ASB2: variants seen among roughly 807,000 people sequenced by gnomAD.
ASB2 encodes the protein ankyrin repeat and SOCS box protein 2.
ASB2 carries 58 observed loss-of-function variants against 62.4 expected under a neutral mutation model. That is an observed-to-expected ratio of 0.93 (90% confidence interval 0.75 to 1.16). ASB2 has a LOEUF of 1.16. ASB2 is among the 50% of genes most tolerant of loss of function. The pLI, the probability that ASB2 is intolerant of heterozygous loss-of-function variation, is 0.00. For missense variants in ASB2, 928 were observed against 887.9 expected, an observed-to-expected ratio of 1.05 and a Z score of -0.57; for synonymous variants, 386 against 385.3, an observed-to-expected ratio of 1.00 and a Z score of -0.02.
At chr14:93,942,849 G>GTGATGA (rs3838359) in intron 7 of ASB2, among the ~76,000 whole-genome samples, 2 of 150,932 alleles carry the variant, frequency 1.3e-5, no homozygotes, top group African/African-American at 2.5e-5. Context: ...TGTAATAATA[G>GTGATGA]TGATGATGAT....
At chr14:93,951,959 T>C (rs1277900584) in intron 5 of ASB2, among the ~76,000 whole-genome samples, 1 of 152,188 alleles carries the variant, frequency 6.6e-6, no homozygotes, top group Non-Finnish European at 1.5e-5. Flanking sequence ...GCCCCAGAGT[T>C]CTCACCAGGA....
chr14:93,960,025 C>T (rs1342390235), intron 2 of ASB2, among the ~76,000 whole-genome samples: 1 of 151,892 alleles, frequency 6.6e-6, no homozygotes, highest in African/African-American at 2.4e-5. Flanking sequence ...CCACGCCCAC[C>T]ACTGTGCCGT....
chr14:93,956,333 G>T (rs1889200437), intron 3 of ASB2, among the ~76,000 whole-genome samples: 1 of 152,244 alleles, frequency 6.6e-6, no homozygotes, highest in Non-Finnish European at 1.5e-5. Flanking sequence ...TGTACCCACA[G>T]CGATGGCATG....
intron 1 of ASB2, 120 bp from the exon 2 acceptor site, chr14:93,964,732 G>T: frequency 1.6e-6 from 1 of 621,956 alleles, no homozygotes. Flanking sequence ...TTTATTCATT[G>T]GTCACATGAC....
chr14:93,944,490 G>T (rs1481335438), intron 7 of ASB2, among the ~76,000 whole-genome samples: 1 of 152,236 alleles, frequency 6.6e-6, no homozygotes, highest in African/African-American at 2.4e-5. Flanking sequence ...GATGGCCAGG[G>T]TGTGTTGGCA....
intron 5 of ASB2, among the ~76,000 whole-genome samples, 166 bp from the exon 6 acceptor site, chr14:93,951,410 T>G (rs538675024): frequency 6.6e-6 from 1 of 152,364 alleles, no homozygotes; most frequent in South Asian, 2.1e-4. Flanking sequence ...CGACTAAAAG[T>G]AATACTGATA....
chr14:93,955,836 G>A lies in ASB2; in HGVS notation c.311+930C>T, dbSNP rs116881224. ...AGCTGGACGGGACCCTAGAGGTCAC[G>A]TTGCCCTCTCCAGCCGTGTCCTGCA... On this transcript the variant is annotated intron_variant, in intron 3 of 9. Transcript: ENST00000555019. Among the ~76,000 whole-genome samples, 45 of 152,246 alleles carry A rather than the reference G, an allele frequency of 3.0e-4. No individual in the cohort carries two copies. The East Asian group carries it at 7.5e-3, about 25-fold the overall frequency.
intron 1 of ASB2, among the ~76,000 whole-genome samples, chr14:93,973,380 A>AATGTACATC (rs1889816741): frequency 6.6e-6 from 1 of 152,186 alleles, no homozygotes; most frequent in Non-Finnish European, 1.5e-5. Context: ...TGAGGATGCC[A>AATGTACATC]CTCCAAAAAG....
chr14:93,973,241 A>G lies in ASB2; in HGVS notation c.-74+3193T>C, dbSNP rs541680872. Among the ~76,000 whole-genome samples the G allele has an allele frequency of 5.9e-5, 9 of 152,324 alleles. No homozygotes were observed. The South Asian group carries it at 1.9e-3, about 32-fold the overall frequency. ...AGCAGACACTCTGTGCCCATTGTAT[A>G]GAGGAGGAGACTGAGGCTGCATCTG... On this transcript the variant is annotated intron_variant, in intron 1 of 9. Transcript: ENST00000555019.
At position 93,937,833 on chromosome 14, in the gene ASB2, C is replaced by T. The variant is rs781413419; in HGVS notation, c.1636G>A (p.Ala546Thr). The T allele has an allele frequency of 6.3e-6, 10 of 1,599,784 alleles. No individual in the cohort carries two copies. The highest frequency in any genetic ancestry group is 1.7e-4 in the Middle Eastern group (1 of 6,022). ...CCCGCCCAGCGGCTCACCTCTGGGG[C>T]AGATACGAACTCACAGAACTGAAAG... is the stretch of plus-strand genomic sequence containing the variant. ...SVVQFCEFVS[A>T]PEVSRWAGPI... The change falls in exon 9 of 10, where the codon GCC becomes ACC. Residue 546 changes from alanine (A) to threonine (T), a missense_variant. Coordinates refer to ENST00000555019, the MANE Select transcript of ASB2 (RefSeq NM_001202429.2).
At chr14:93,961,666 A>G (rs1276380316) in intron 2 of ASB2, among the ~76,000 whole-genome samples, 1 of 152,230 alleles carries the variant, frequency 6.6e-6, no homozygotes, top group Non-Finnish European at 1.5e-5. Context: ...CAAGGGTGAC[A>G]TCCTATTGCT....
rs941380607 is a variant in ASB2, at chr14:93,953,254, G to A, written c.634+98C>T. ...AAATTGTGCATTTGAGCAGGGCCAC[G>A]TTGGGGGTTATGCACTTAACGGGAG... On this transcript the variant is annotated intron_variant, in intron 5 of 9. Coordinates refer to ENST00000555019, the MANE Select transcript of ASB2 (RefSeq NM_001202429.2). 1.8e-5 allele frequency: 20 copies of A among 1,106,102 alleles called. No individual in the cohort carries two copies. In the Admixed American group the frequency reaches 3.0e-4, roughly 17 times the overall value. The allele number at this position is 1,106,102 out of a possible 1,614,324, so 68.5% of individuals were successfully genotyped here. A position where few individuals can be genotyped will look rare whatever the true frequency, so the allele number is the denominator to read the frequency against.
rs904676009 is a variant in ASB2, at chr14:93,964,435, G to A, written c.105C>T (p.Ile35=). 2.5e-5 allele frequency: 38 copies of A among 1,535,946 alleles called. No individual in the cohort carries two copies. Among genetic ancestry groups the A allele is most frequent in the South Asian group, 4.8e-5 (4 of 84,052 alleles). The change falls in exon 2 of 10, where the codon ATC becomes ATT. Residue 35 remains isoleucine (I), a synonymous_variant. Coordinates refer to ENST00000555019, the MANE Select transcript of ASB2 (RefSeq NM_001202429.2). ...TTGTCTTGTCCGCTAGGCTCTGCTC[G>A]ATGGCCATCTGCACCAGTTCATCCT... The part of the protein sequence containing the change: ...LSEDELVQMA[I]EQSLADKTRG...
rs887957467 is a variant in ASB2 at position 93,966,262 on chromosome 14, T to C, written c.-73-1650A>G. Among the ~76,000 whole-genome samples, 2 of 152,184 alleles carry C rather than the reference T, an allele frequency of 1.3e-5. 1 individual carries two copies. Among genetic ancestry groups the C allele is most frequent in the African/African-American group, 4.8e-5 (2 of 41,432 alleles). On this transcript the variant is annotated intron_variant, in intron 1 of 9. Coordinates refer to ENST00000555019, the MANE Select transcript of ASB2 (RefSeq NM_001202429.2). ...ACCTGGCTTTGTCTAGGCAACAGGGTGCCCTGTCCCATGGATGAGTCATGA... is the reference window on the plus strand; with the variant it reads ...ACCTGGCTTTGTCTAGGCAACAGGGCGCCCTGTCCCATGGATGAGTCATGA...
intron 3 of ASB2, among the ~76,000 whole-genome samples, chr14:93,956,234 G>A (rs1889196554): frequency 6.6e-6 from 1 of 152,182 alleles, no homozygotes; most frequent in Admixed American, 6.5e-5. Flanking sequence ...AGCCCCTGCA[G>A]CTTAGATTAT....
intron 2 of ASB2, chr14:93,957,429 GTTA>G (rs1567028706): frequency 2.0e-6 from 2 of 988,856 alleles, no homozygotes; most frequent in African/African-American, 3.5e-5. Flanking sequence ...CCTCTATAGT[GTTA>G]TTATAGGATG....
At chr14:93,949,551 G>A (rs575516454) in intron 6 of ASB2, among the ~76,000 whole-genome samples, 12 of 152,308 alleles carry the variant, frequency 7.9e-5, no homozygotes, top group South Asian at 6.2e-4. Context: ...AGAGGCCTTC[G>A]TCCTGCCTCC....
In ASB2 at chr14:93,934,688, T is replaced by C. The variant is rs1366382195; in HGVS notation, c.1876A>G (p.Ile626Val). Residue 626 changes from isoleucine to valine, a missense_variant, in exon 10 of 10, where the codon ATT becomes GTT. Physicochemically the swap from Ile to Val is conservative, Grantham distance 29 (BLOSUM62 3). Coordinates refer to ENST00000555019, the MANE Select transcript of ASB2 (RefSeq NM_001202429.2). ...LDTLPLPGRL[I>V]RYLKYENTQ ...GTGTTCTCGTATTTCAGGTATCTAA[T>C]CAGCCTGCCTGGGAGCGGCAAGGTG... The C allele has an allele frequency of 6.2e-7, 1 of 1,614,172 alleles. No individual in the cohort carries two copies. Among genetic ancestry groups the C allele is most frequent in the Non-Finnish European group, 8.5e-7 (1 of 1,180,008 alleles).
chr14:93,934,890 G>A, intron 9 of ASB2, 98 bp from the exon 10 acceptor site: 1 of 1,024,830 alleles, frequency 9.8e-7, no homozygotes, highest in Admixed American at 1.8e-5. Context: ...CCCAGCTGAT[G>A]TGGCTGGGTA....
Sources: gnomAD v4.1 joint callset for allele counts (sites outside exome capture counted in the v4.1 genomes callset) on GRCh38, gnomAD v4.1.1 for gene constraint, MANE v1.5 for transcripts, NCBI Gene and HGNC (gene_info 2026-07-23, HGNC 2026-07-21) for gene names.